TMEM132C: variants seen among roughly 807,000 people sequenced by gnomAD.
The protein encoded by TMEM132C is transmembrane protein 132C.
A neutral mutation model predicts 61.4 loss-of-function variants in TMEM132C; 29 were observed. The observed-to-expected ratio is 0.47, with a 90% CI of 0.35 to 0.64. The LOEUF (loss-of-function observed/expected upper bound fraction) is 0.64. Among genes scored for constraint, TMEM132C ranks in the 30% least tolerant of loss-of-function variants. The pLI is 0.00. For missense variants in TMEM132C, 1,408 were observed against 1,476.9 expected (o/e 0.95, Z 0.76); for synonymous variants, 656 against 633.1 (o/e 1.04, Z -0.54).
intron 1 of TMEM132C, chr12:128,288,617 GAC>G (rs947799145): frequency 5.9e-5 from 9 of 152,154 alleles, no homozygotes; most frequent in African/African-American, 1.7e-4. Context: ...CCCCCAGCAT[GAC>G]ACAGAGCTGG....
chr12:128,576,965 A>G (rs867009117), intron 3 of TMEM132C, among the ~76,000 whole-genome samples: 23 of 147,700 alleles, frequency 1.6e-4, no homozygotes, highest in Middle Eastern at 6.9e-3. Flanking sequence ...TTTAAAGTGT[A>G]CCATCCAATG....
intron 4 of TMEM132C, among the ~76,000 whole-genome samples, chr12:128,667,928 C>A (rs138627168): frequency 3.5e-4 from 53 of 152,254 alleles, no homozygotes; most frequent in Non-Finnish European, 7.2e-4. Flanking sequence ...GAATGGGCTC[C>A]CATGGAGCAA....
At chr12:128,275,722 G>C (rs1870667748) in intron 1 of TMEM132C, among the ~76,000 whole-genome samples, 1 of 152,162 alleles carries the variant, frequency 6.6e-6, no homozygotes, top group Admixed American at 6.5e-5. Flanking sequence ...TAGGATGGTT[G>C]ACAATATTTA....
rs1469392594 is a variant in TMEM132C, at chr12:128,305,538, G to C, written c.85+38051G>C. Reference sequence around the variant, plus strand: ...TGCGGCTTTGTGTTGTGGTTTTGTGGCTTTTTTTTTTTTTTCCATTTGAAA... The same window carrying C: ...TGCGGCTTTGTGTTGTGGTTTTGTGCCTTTTTTTTTTTTTTCCATTTGAAA... On this transcript the variant is annotated intron_variant, in intron 1 of 8. Coordinates refer to ENST00000435159, the MANE Select transcript of TMEM132C (RefSeq NM_001136103.3). 3.3e-5 allele frequency among the ~76,000 whole-genome samples: 4 copies of C among 120,040 alleles called. 1 individual carries two copies. The South Asian group carries it at 1.1e-3, about 32-fold the overall frequency. The allele number at this position is 120,040 out of a possible 152,430, so 78.8% of individuals were successfully genotyped here. A position where few individuals can be genotyped will look rare whatever the true frequency, so the allele number is the denominator to read the frequency against.
At chr12:128,586,224 C>G (rs1005719161) in intron 3 of TMEM132C, among the ~76,000 whole-genome samples, 15 of 151,996 alleles carry the variant, frequency 9.9e-5, no homozygotes, top group Non-Finnish European at 1.9e-4. Context: ...AAGTCTGCCA[C>G]TGCATGCATG....
At chr12:128,572,994 A>G (rs1874948399) in intron 3 of TMEM132C, among the ~76,000 whole-genome samples, 2 of 152,252 alleles carry the variant, frequency 1.3e-5, no homozygotes, top group African/African-American at 4.8e-5. Context: ...ACACTTTTAC[A>G]TTGTTGGTGG....
At chr12:128,305,166 G>T (rs1369561637) in intron 1 of TMEM132C, among the ~76,000 whole-genome samples, 1 of 151,942 alleles carries the variant, frequency 6.6e-6, no homozygotes, top group Admixed American at 6.6e-5. Flanking sequence ...ATCACTTGAG[G>T]CCAGGAGTTC....
chr12:128,287,511 A>ATCTATG (rs1199120857), intron 1 of TMEM132C, among the ~76,000 whole-genome samples: 1 of 146,998 alleles, frequency 6.8e-6, no homozygotes, highest in Non-Finnish European at 1.5e-5. Flanking sequence ...CTATATCTAT[A>ATCTATG]TCTATATCTA....
intron 2 of TMEM132C, among the ~76,000 whole-genome samples, chr12:128,474,007 A>G (rs1472309994): frequency 1.3e-5 from 2 of 152,216 alleles, no homozygotes; most frequent in South Asian, 2.1e-4. Context: ...TTGATAACAA[A>G]CTACCTTATT....
chr12:128,526,849 A>G (rs753806763), intron 2 of TMEM132C, among the ~76,000 whole-genome samples: 64 of 152,256 alleles, frequency 4.2e-4, no homozygotes, highest in South Asian at 2.1e-4. Context: ...CCTGGACTGG[A>G]TTATCGTGAA....
chr12:128,638,995 ATGGTGGTGATGATGATGGTGG>A (rs1954126131), intron 4 of TMEM132C, among the ~76,000 whole-genome samples: 1 of 114,752 alleles, frequency 8.7e-6, no homozygotes, highest in African/African-American at 3.3e-5. Flanking sequence ...GGTGATGGTG[ATGGTGGTGATGATGATGGTGG>A]TGATGGTGAT....
At chr12:128,582,237 C>G (rs1463516896) in intron 3 of TMEM132C, among the ~76,000 whole-genome samples, 1 of 152,082 alleles carries the variant, frequency 6.6e-6, no homozygotes, top group East Asian at 1.9e-4. Context: ...GCCATTAAAC[C>G]TGGGAAAAGA....
chr12:128,331,519 TTGAC>T (rs1321447400), intron 1 of TMEM132C, among the ~76,000 whole-genome samples: 1 of 152,228 alleles, frequency 6.6e-6, no homozygotes, highest in Non-Finnish European at 1.5e-5. Context: ...GATGTGATAT[TTGAC>T]TGTCTGTGCC....
intron 3 of TMEM132C, among the ~76,000 whole-genome samples, chr12:128,585,189 A>C (rs576574110): frequency 6.6e-6 from 1 of 152,384 alleles, no homozygotes; most frequent in Middle Eastern, 3.4e-3. Context: ...CACACACGTG[A>C]AAAAATGTAT....
At position 128,694,962 on chromosome 12, in the gene TMEM132C, T is replaced by C. The variant is rs534065491; in HGVS notation, c.1656-868T>C. On this transcript the variant is annotated intron_variant, in intron 6 of 8. Coordinates refer to ENST00000435159, the MANE Select transcript of TMEM132C (RefSeq NM_001136103.3). ...TACCTAACCTCTCTGTGCCTTAGTT[T>C]CCTCATCTGTTCATGAGAATAATTA... Among the ~76,000 whole-genome samples the C allele has an allele frequency of 6.6e-5, 10 of 152,368 alleles. No homozygotes were observed. In the South Asian group the frequency reaches 2.1e-3, roughly 32 times the overall value.
intron 1 of TMEM132C, among the ~76,000 whole-genome samples, chr12:128,286,982 T>A (rs989911885): frequency 6.6e-6 from 1 of 152,260 alleles, no homozygotes; most frequent in Non-Finnish European, 1.5e-5. Context: ...TGCCAAATGA[T>A]GCTGCTTTTC....
In TMEM132C at chr12:128,667,025, G is replaced by A. The variant is rs183873952; in HGVS notation, c.1306-2392G>A. Among the ~76,000 whole-genome samples, 1,002 of 152,258 alleles carry A rather than the reference G, an allele frequency of 6.6e-3. 16 individuals carry two copies. The highest frequency in any genetic ancestry group is 0.022 in the African/African-American group (920 of 41,548). The stretch of plus-strand genomic sequence containing the variant: ...GCGGAGCTTGCAGTGAGCCGAGGTC[G>A]CGCCACTGCACTCCAGCCTGGGCGA... On this transcript the variant is annotated intron_variant, in intron 4 of 8. Coordinates refer to ENST00000435159, the MANE Select transcript of TMEM132C (RefSeq NM_001136103.3).
At chr12:128,282,587 C>T (rs1870932783) in intron 1 of TMEM132C, among the ~76,000 whole-genome samples, 2 of 152,206 alleles carry the variant, frequency 1.3e-5, no homozygotes, top group African/African-American at 2.4e-5. Context: ...CCTCCCTGGA[C>T]GTGTTGGGAT....
intron 1 of TMEM132C, among the ~76,000 whole-genome samples, chr12:128,354,395 T>G (rs1306372493): frequency 6.6e-6 from 1 of 152,040 alleles, no homozygotes; most frequent in Non-Finnish European, 1.5e-5. Flanking sequence ...CTCTTTCCTT[T>G]ATTTTTTTCT....
Sources: allele counts gnomAD v4.1 joint callset (sites outside exome capture counted in the v4.1 genomes callset), GRCh38; gene constraint gnomAD v4.1.1; transcripts MANE v1.5; gene names NCBI Gene and HGNC (gene_info 2026-07-23, HGNC 2026-07-21).